Variants in TNIP2 observed in about 807,000 individuals in gnomAD.
The protein encoded by TNIP2 is TNFAIP3 interacting protein 2.
In TNIP2, 30 loss-of-function variants were observed where a neutral mutation model predicts 43.7. The ratio of observed to expected loss-of-function variants is 0.69; its 90% CI spans 0.51 to 0.93. TNIP2 has a LOEUF of 0.93. TNIP2 is among the 40% of genes least tolerant of loss of function. TNIP2 has a pLI of 0.00. For missense variants in TNIP2, 599 were observed against 591.0 expected (o/e 1.01, Z -0.14); for synonymous variants, 260 against 254.6 (o/e 1.02, Z -0.20).
rs551696820 is a variant in TNIP2, at chr4:2,748,680, G to A, written c.277-735C>T. 8.2e-5 allele frequency among the ~76,000 whole-genome samples: 11 copies of A among 134,314 alleles called. No individual in the cohort carries two copies. The South Asian group carries it at 1.3e-3, about 16-fold the overall frequency. The allele number at this position is 134,314 out of a possible 152,430, so 88.1% of individuals were successfully genotyped here. A position where few individuals can be genotyped will look rare whatever the true frequency, so the allele number is the denominator to read the frequency against. ...GCCCAATTTTTATATTTTTAGTAGA[G>A]ACGGGGTTTCACCATGTTGGCCAGG... is the stretch of plus-strand genomic sequence containing the variant. On this transcript the variant is annotated intron_variant, in intron 1 of 5. Coordinates refer to ENST00000315423, the MANE Select transcript of TNIP2 (RefSeq NM_024309.4).
intron 1 of TNIP2, among the ~76,000 whole-genome samples, chr4:2,753,275 CA>C (rs371646696): frequency 5.5e-5 from 8 of 144,248 alleles, no homozygotes; most frequent in Admixed American, 6.9e-5. Context: ...CCCGTCTCTA[CA>C]AAAAAAAAAT....
At chr4:2,745,594 G>C (rs1721926437) in intron 2 of TNIP2, 59 bp from the exon 3 acceptor site, 1 of 1,246,974 alleles carries the variant, frequency 8.0e-7, no homozygotes, top group Admixed American at 1.8e-5. Context: ...AGGGGAGAAA[G>C]CTAGACCCAG....
chr4:2,741,952 G>T lies in TNIP2; in HGVS notation c.*305C>A. On this transcript the variant is annotated 3_prime_UTR_variant, in exon 6 of 6. Transcript: ENST00000315423. ...CCCCTTTCTAGGCAGGCTGGGGGAG[G>T]GGCTGGCACACCAGCACCAGATAGC... 1 of 267,226 alleles carries T rather than the reference G, an allele frequency of 3.7e-6. No individual in the cohort carries two copies. The highest frequency in any genetic ancestry group is 6.3e-5 in the East Asian group (1 of 15,900). The allele number at this position is 267,226 out of a possible 1,614,324, so 16.6% of individuals were successfully genotyped here.
At chr4:2,748,360 T>TGA (rs1722009900) in intron 1 of TNIP2, among the ~76,000 whole-genome samples, 1 of 152,054 alleles carries the variant, frequency 6.6e-6, no homozygotes, top group South Asian at 2.1e-4. Context: ...TTTTTTTTTT[T>TGA]GAGACGGAGT....
chr4:2,750,503 C>T (rs1722073641), intron 1 of TNIP2, among the ~76,000 whole-genome samples: 4 of 151,820 alleles, frequency 2.6e-5, no homozygotes, highest in African/African-American at 7.3e-5. Flanking sequence ...CACAGCTCAC[C>T]GAAGCCTTGA....
At chr4:2,747,986 G>A (rs1478257659) in intron 1 of TNIP2, 41 bp from the exon 2 acceptor site, 4 of 1,591,894 alleles carry the variant, frequency 2.5e-6, no homozygotes, top group Non-Finnish European at 3.4e-6. Context: ...TGAATTAAAA[G>A]AAGCAGTGTC....
Position 2,747,776 on chromosome 4 carries a change from T to C in TNIP2, c.446A>G (p.Asn149Ser). ...ASDVLCRSLA[N>S]ETHQLRRTLT... ...CGTCCTCCGCAGCTGATGGGTCTCG[T>C]TGGCCAAGGAGCGGCACAGGACGTC... Residue 149 changes from asparagine (N) to serine (S), a missense_variant, in exon 2 of 6, where the codon AAC becomes AGC. Coordinates refer to ENST00000315423, the MANE Select transcript of TNIP2 (RefSeq NM_024309.4). 6.2e-7 allele frequency: 1 copy of C among 1,611,884 alleles called. No homozygotes were observed. The highest frequency in any genetic ancestry group is 8.5e-7 in the Non-Finnish European group (1 of 1,180,030).
chr4:2,749,799 A>T (rs953619119), intron 1 of TNIP2, among the ~76,000 whole-genome samples: 1 of 152,334 alleles, frequency 6.6e-6, no homozygotes, highest in Non-Finnish European at 1.5e-5. Flanking sequence ...TAAAGAATTT[A>T]AAAAGGTTCT....
At chr4:2,745,413 GTTC>G in intron 3 of TNIP2, 30 bp downstream of exon 3, 1 of 1,515,498 alleles carries the variant, frequency 6.6e-7, no homozygotes, top group Non-Finnish European at 9.1e-7. Flanking sequence ...TAAGCCATGT[GTTC>G]TTCTCAAACG....
intron 1 of TNIP2, among the ~76,000 whole-genome samples, chr4:2,754,654 G>A (rs1380045080): frequency 6.6e-6 from 1 of 152,246 alleles, no homozygotes; most frequent in Non-Finnish European, 1.5e-5. Flanking sequence ...CTGACCTCGT[G>A]ATCCGCCGCC....
intron 1 of TNIP2, chr4:2,755,804 G>A (rs1278769604): frequency 6.4e-6 from 3 of 470,396 alleles, no homozygotes; most frequent in Admixed American, 1.3e-4. Flanking sequence ...TCAGGAGCCG[G>A]GGCCCCCTCA....
chr4:2,742,420 C>T lies in TNIP2; in HGVS notation c.1127G>A (p.Arg376Lys), dbSNP rs766867860. The change falls in exon 6 of 6, where the codon AGG becomes AAG. Residue 376 changes from arginine (R) to lysine (K), a missense_variant. Arg to Lys is a conservative substitution (Grantham distance 26). Coordinates refer to ENST00000315423, the MANE Select transcript of TNIP2 (RefSeq NM_024309.4). ...TGGCTGCTGGGACCCAGTCCCAGGC[C>T]TCCAGCCACCAGGCACCATAAGCTC... is the stretch of plus-strand genomic sequence containing the variant. The part of the protein sequence containing the change: ...ALELMVPGGW[R>K]PGTGSQQPEP... 76 of 1,612,846 alleles carry T rather than the reference C, an allele frequency of 4.7e-5. No homozygotes were observed. The highest frequency in any genetic ancestry group is 3.3e-4 in the Middle Eastern group (2 of 6,080).
intron 2 of TNIP2, among the ~76,000 whole-genome samples, chr4:2,746,663 C>T (rs1000644370): frequency 1.3e-5 from 2 of 152,206 alleles, no homozygotes; most frequent in African/African-American, 2.4e-5. Context: ...AACATCCCAG[C>T]GCGTGTGTTT....
In TNIP2 at chr4:2,745,480, T is replaced by C; in HGVS notation, c.623A>G (p.Glu208Gly). The change falls in exon 3 of 6, where the codon GAA (glutamate) becomes GGA (glycine). Residue 208 changes from glutamate to glycine, a missense_variant. Physicochemically the swap from Glu to Gly is moderately conservative, Grantham distance 98 (BLOSUM62 -2). Coordinates refer to ENST00000315423, the MANE Select transcript of TNIP2 (RefSeq NM_024309.4). ...SVQSVIEKLQ[E>G]ENRLLKQKVT... ...CTTCTGTTTTAACAGTCGATTTTCTTCCTGCAACTTCTCAATAACACTCTG... is the reference window on the plus strand; with the variant it reads ...CTTCTGTTTTAACAGTCGATTTTCTCCCTGCAACTTCTCAATAACACTCTG... 1 of 1,614,084 alleles carries C rather than the reference T, an allele frequency of 6.2e-7. No individual in the cohort carries two copies.
Position 2,744,793 on chromosome 4 carries a change from C to A in TNIP2, c.810G>T (p.Glu270Asp). 3 of 1,613,070 alleles carry A rather than the reference C, an allele frequency of 1.9e-6. No individual in the cohort carries two copies. The highest frequency in any genetic ancestry group is 2.5e-6 in the Non-Finnish European group (3 of 1,180,050). The part of the protein sequence containing the change: ...EISRLNRQLE[E>D]KINDCAEVKQ... ...TCACTTCGGCACAGTCATTTATTTT[C>A]TCTTCCAACTGTCTGTTGAGCCGGG... The change falls in exon 4 of 6, where the codon GAG (glutamate) becomes GAT (aspartate). Residue 270 changes from glutamate to aspartate, a missense_variant. Glu to Asp is a conservative substitution (Grantham distance 45, BLOSUM62 2). Coordinates refer to ENST00000315423, the MANE Select transcript of TNIP2 (RefSeq NM_024309.4). The surrounding 1 kb of genome is among the most constrained non-coding windows in gnomAD (Gnocchi z 5.1).
At position 2,755,847 on chromosome 4, in the gene TNIP2, G is replaced by C. The variant is rs909721747; in HGVS notation, c.276+167C>G. The C allele has an allele frequency of 2.2e-5, 21 of 947,368 alleles. No individual in the cohort carries two copies. In the Admixed American group the frequency reaches 2.4e-4, roughly 11 times the overall value. 58.7% of individuals were successfully genotyped at this position (947,368 alleles called of 1,614,324 possible). A position where few individuals can be genotyped will look rare whatever the true frequency, so the allele number is the denominator to read the frequency against. ...GACCCGGCACCCCCTCAACTCCCAG[G>C]ACCTGGTGCTCCCCCAACCCCTCAG... On this transcript the variant is annotated intron_variant, in intron 1 of 5. Coordinates refer to ENST00000315423, the MANE Select transcript of TNIP2 (RefSeq NM_024309.4).
rs936561446 is a variant in TNIP2 at position 2,748,059 on chromosome 4, C to T, written c.277-114G>A. ...TGGATGCCCCATCACCAGACACAAA[C>T]ATACTCACTCAGAAGTTGGGCGTTT... is the stretch of plus-strand genomic sequence containing the variant. On this transcript the variant is annotated intron_variant, in intron 1 of 5. Transcript: ENST00000315423. 33 of 1,108,622 alleles carry T rather than the reference C, an allele frequency of 3.0e-5. No individual in the cohort carries two copies. The Admixed American group carries it at 8.0e-4, about 27-fold the overall frequency. 68.7% of individuals were successfully genotyped at this position (1,108,622 alleles called of 1,614,324 possible).
intron 1 of TNIP2, among the ~76,000 whole-genome samples, chr4:2,754,619 T>C (rs1037276156): frequency 6.6e-6 from 1 of 152,240 alleles, no homozygotes; most frequent in African/African-American, 2.4e-5. Context: ...GTTTTCACCA[T>C]GTTAGCCAGG....
At chr4:2,743,642 G>A (rs181770954) in intron 5 of TNIP2, among the ~76,000 whole-genome samples, 3 of 152,302 alleles carry the variant, frequency 2.0e-5, no homozygotes, top group South Asian at 2.1e-4. Flanking sequence ...CACGGCTGAC[G>A]TCCTAGCTCC....
Sources: gnomAD v4.1 joint callset for allele counts (sites outside exome capture counted in the v4.1 genomes callset) on GRCh38, gnomAD v4.1.1 for gene constraint, Gnocchi (gnomAD v3.1) non-coding constraint, MANE v1.5 for transcripts, NCBI Gene and HGNC (gene_info 2026-07-23, HGNC 2026-07-21) for gene names.